Variants in AGMO observed in about 807,000 individuals in gnomAD.
AGMO encodes the protein alkylglycerol monooxygenase, also known as glyceryl-ether monooxygenase.
A neutral mutation model predicts 60.2 loss-of-function variants in AGMO; 75 were observed. That is an observed-to-expected ratio of 1.25 (90% CI 1.03 to 1.51). The LOEUF is 1.51. Among genes scored for constraint, AGMO ranks in the 40% most tolerant of loss-of-function variants. The pLI, the probability that AGMO is intolerant of heterozygous loss-of-function variation, is 0.00. For missense variants in AGMO, 763 were observed against 525.5 expected (o/e 1.45, Z -4.42); for synonymous variants, 261 against 177.1 (o/e 1.47, Z -3.76).
At chr7:15,412,568 T>G (rs1417237293) in intron 5 of AGMO, among the ~76,000 whole-genome samples, 1 of 151,670 alleles carries the variant, frequency 6.6e-6, no homozygotes, top group Non-Finnish European at 1.5e-5. Flanking sequence ...GTTGAAAAGT[T>G]GTAAAATTGC....
At chr7:15,236,646 G>C (rs1201041950) in intron 12 of AGMO, among the ~76,000 whole-genome samples, 2 of 152,068 alleles carry the variant, frequency 1.3e-5, no homozygotes, top group African/African-American at 4.8e-5. Context: ...TGAAAGATCT[G>C]ATCAACTGAA....
At chr7:15,357,124 G>GA (rs1274626396) in intron 12 of AGMO, among the ~76,000 whole-genome samples, 4 of 147,710 alleles carry the variant, frequency 2.7e-5, no homozygotes, top group Admixed American at 6.8e-5. Context: ...AAAAAAAAAA[G>GA]AAAAAAATAG....
intron 12 of AGMO, among the ~76,000 whole-genome samples, chr7:15,239,164 G>A (rs73279618): frequency 0.021 from 3,261 of 152,194 alleles, 117 homozygotes; most frequent in African/African-American, 0.075. Context: ...GATGAGAAAA[G>A]GCTGAGATTG....
chr7:15,362,286 T>C (rs968535685), intron 12 of AGMO, among the ~76,000 whole-genome samples: 13 of 152,160 alleles, frequency 8.5e-5, no homozygotes, highest in African/African-American at 3.1e-4. Flanking sequence ...TTTTACCATG[T>C]TTAGCTTTAA....
chr7:15,542,742 C>G (rs542837173), intron 3 of AGMO, among the ~76,000 whole-genome samples: 358 of 152,236 alleles, frequency 2.4e-3, no homozygotes, highest in Non-Finnish European at 4.2e-3. Context: ...CATATTTATT[C>G]TTAATCATGT....
At chr7:15,216,190 A>G (rs1049387418) in intron 12 of AGMO, among the ~76,000 whole-genome samples, 16 of 152,098 alleles carry the variant, frequency 1.1e-4, no homozygotes, top group Non-Finnish European at 1.9e-4. Context: ...AAGCTGGAAA[A>G]CAGTCTAACT....
At chr7:15,510,666 A>G (rs1783647297) in intron 3 of AGMO, among the ~76,000 whole-genome samples, 1 of 150,202 alleles carries the variant, frequency 6.7e-6, no homozygotes, top group African/African-American at 2.4e-5. Flanking sequence ...GGATATTAAC[A>G]CTATTTGAAA....
At chr7:15,139,574 C>T in the AGMO span, among the ~76,000 whole-genome samples, 3 of 151,920 alleles carry the variant, frequency 2.0e-5, no homozygotes, top group Non-Finnish European at 4.4e-5. Flanking sequence ...TTCATGAGTT[C>T]TCATCATTTA....
intron 12 of AGMO, chr7:15,306,514 C>G (rs190720862): frequency 2.1e-6 from 1 of 469,586 alleles, no homozygotes. Flanking sequence ...CTTAAAAGTT[C>G]TCCAAAGTTC....
At chr7:15,279,349 C>G (rs893423639) in intron 12 of AGMO, among the ~76,000 whole-genome samples, 11 of 152,160 alleles carry the variant, frequency 7.2e-5, no homozygotes, top group African/African-American at 2.7e-4. Flanking sequence ...TTCCAGCATG[C>G]TCTCTTAGAA....
At chr7:15,416,912 C>G (rs1780789668) in intron 5 of AGMO, among the ~76,000 whole-genome samples, 1 of 152,190 alleles carries the variant, frequency 6.6e-6, no homozygotes, top group African/African-American at 2.4e-5. Context: ...TCCTCCCACT[C>G]CAGTCCTCTA....
chr7:15,512,053 A>G (rs1220245198), intron 3 of AGMO, among the ~76,000 whole-genome samples: 1 of 152,086 alleles, frequency 6.6e-6, no homozygotes, highest in African/African-American at 2.4e-5. Flanking sequence ...AAATGAACAT[A>G]CAAAATAATT....
the AGMO span, among the ~76,000 whole-genome samples, chr7:15,180,252 G>T: frequency 6.6e-6 from 1 of 152,022 alleles, no homozygotes; most frequent in Admixed American, 6.6e-5. Context: ...TTAATTAGAA[G>T]TACAATCTTT....
intron 5 of AGMO, among the ~76,000 whole-genome samples, chr7:15,416,537 G>T (rs2128493791): frequency 6.6e-6 from 1 of 152,160 alleles, no homozygotes; most frequent in Middle Eastern, 3.4e-3. Context: ...ATCTTCTTAA[G>T]ATCATATTCC....
At chr7:15,213,467 T>G (rs990320008) in intron 12 of AGMO, among the ~76,000 whole-genome samples, 3 of 151,824 alleles carry the variant, frequency 2.0e-5, no homozygotes, top group African/African-American at 4.8e-5. Context: ...TTTCCCCAGA[T>G]AGCCTCCAGG....
chr7:15,139,466 C>G, the AGMO span, among the ~76,000 whole-genome samples: 10 of 152,102 alleles, frequency 6.6e-5, no homozygotes, highest in Non-Finnish European at 1.3e-4. Flanking sequence ...CTCCCAGGTA[C>G]TAAGCCTGGC....
At chr7:15,165,119 G>T in the AGMO span, among the ~76,000 whole-genome samples, 3 of 152,116 alleles carry the variant, frequency 2.0e-5, no homozygotes, top group South Asian at 4.1e-4. Flanking sequence ...TATTCCAAGT[G>T]AAATAATTCA....
chr7:15,248,205 T>TATATATATATATAC lies in AGMO; in HGVS notation c.1264-46847_1264-46846insGTATATATATATAT, dbSNP rs1782816706. ...ATATATATATATATATATATATATA[T>TATATATATATATAC]ATATATATATATATATATATCTTCA... On this transcript the variant is annotated intron_variant, in intron 12 of 12. Coordinates refer to ENST00000342526, the MANE Select transcript of AGMO (RefSeq NM_001004320.2). 2.2e-4 allele frequency among the ~76,000 whole-genome samples: 21 copies of TATATATATATATAC among 96,712 alleles called. 1 individual carries two copies. In the South Asian group the frequency reaches 6.7e-3, roughly 31 times the overall value. 63.4% of individuals were successfully genotyped at this position (96,712 alleles called of 152,430 possible). A position where few individuals can be genotyped will look rare whatever the true frequency, so the allele number is the denominator to read the frequency against.
At chr7:15,198,164 G>A (rs1207882710), downstream of AGMO, among the ~76,000 whole-genome samples, 1 of 148,870 alleles carries the variant, frequency 6.7e-6, no homozygotes, top group Non-Finnish European at 1.5e-5. Flanking sequence ...GAAGTGGTGA[G>A]TAATTGACGA....
Sources: gnomAD v4.1 joint callset for allele counts (sites outside exome capture counted in the v4.1 genomes callset) on GRCh38, gnomAD v4.1.1 for gene constraint, MANE v1.5 for transcripts, NCBI Gene and HGNC (gene_info 2026-07-23, HGNC 2026-07-21) for gene names.